FLYWCH1: variants seen among roughly 807,000 people sequenced by gnomAD.
FLYWCH1 encodes the protein FLYWCH-type zinc finger 1.
FLYWCH1 carries 75 observed loss-of-function variants against 66.4 expected under a neutral mutation model. That is an observed-to-expected ratio of 1.13 (90% CI 0.94 to 1.37). FLYWCH1 has a LOEUF of 1.37. Among genes scored for constraint, FLYWCH1 ranks in the 40% most tolerant of loss-of-function variants. FLYWCH1 has a pLI of 0.00. For missense variants in FLYWCH1, 1,334 were observed against 1,001.8 expected (o/e 1.33, Z -4.48); for synonymous variants, 595 against 429.9 (o/e 1.38, Z -4.75).
intron 8 of FLYWCH1, 106 bp downstream of exon 8, chr16:2,938,562 G>A: frequency 9.6e-7 from 1 of 1,039,046 alleles, no homozygotes. Context: ...CTGCTTTTGT[G>A]CACACACAAA....
At chr16:2,913,536 G>A (rs184213423) in intron 1 of FLYWCH1, among the ~76,000 whole-genome samples, 94 of 152,292 alleles carry the variant, frequency 6.2e-4, no homozygotes, top group Admixed American at 1.2e-3. Context: ...ACGTGTGGTA[G>A]GGCATGACAG....
chr16:2,916,450 A>G (rs914999004), intron 2 of FLYWCH1, among the ~76,000 whole-genome samples: 1 of 152,114 alleles, frequency 6.6e-6, no homozygotes, highest in African/African-American at 2.4e-5. Flanking sequence ...CCTGGCTAAC[A>G]TGGTGAAACC....
At chr16:2,916,200 C>T (rs2070161430) in intron 2 of FLYWCH1, among the ~76,000 whole-genome samples, 1 of 152,162 alleles carries the variant, frequency 6.6e-6, no homozygotes, top group Non-Finnish European at 1.5e-5. Context: ...CAAAAGTTAG[C>T]TGGGCGTGTT....
intron 6 of FLYWCH1, 123 bp downstream of exon 6, chr16:2,934,102 A>G: frequency 8.1e-7 from 1 of 1,228,798 alleles, no homozygotes; most frequent in South Asian, 1.6e-5. Context: ...AACATCCTAG[A>G]AGGAACTATG....
intron 2 of FLYWCH1, among the ~76,000 whole-genome samples, chr16:2,926,898 A>G (rs2070586595): frequency 6.6e-6 from 1 of 152,214 alleles, no homozygotes; most frequent in Admixed American, 6.5e-5. Flanking sequence ...TTACAACCTC[A>G]AATGCAGGTT....
intron 2 of FLYWCH1, among the ~76,000 whole-genome samples, chr16:2,927,047 G>T (rs1181191375): frequency 1.3e-5 from 2 of 152,220 alleles, no homozygotes; most frequent in Admixed American, 6.5e-5. Flanking sequence ...AATACTGGCT[G>T]CCAGCCGAGC....
rs766641926 is a variant in FLYWCH1, at chr16:2,933,357, C to A, written c.1024C>A (p.Arg342=). The part of the protein sequence containing the change: ...QPDMEGLEAR[R]QQEKAVETLQ... Reference sequence around the variant, plus strand: ...CGATATGGAGGGCCTGGAAGCCCGGCGGCAGCAGGAGAAGGCCGTGGAGAC... The same window carrying A: ...CGATATGGAGGGCCTGGAAGCCCGGAGGCAGCAGGAGAAGGCCGTGGAGAC... The change falls in exon 5 of 10, where the codon CGG becomes AGG. Residue 342 remains arginine, a synonymous_variant. Transcript: ENST00000253928. 1.9e-6 allele frequency: 3 copies of A among 1,602,772 alleles called. No individual in the cohort carries two copies. The highest frequency in any genetic ancestry group is 3.4e-5 in the Admixed American group (2 of 58,030).
chr16:2,948,206 G>C (rs2071562782), intron 9 of FLYWCH1, among the ~76,000 whole-genome samples: 1 of 152,094 alleles, frequency 6.6e-6, no homozygotes, highest in East Asian at 1.9e-4. Flanking sequence ...TTCCCCAGGT[G>C]TGTGTCACGA....
In FLYWCH1 at chr16:2,930,954, A is replaced by C. The variant is rs1308443166; in HGVS notation, c.796+74A>C. 2.6e-6 allele frequency: 3 copies of C among 1,147,940 alleles called. No homozygotes were observed. The East Asian group carries it at 7.8e-5, about 30-fold the overall frequency. The allele number at this position is 1,147,940 out of a possible 1,614,324, so 71.1% of individuals were successfully genotyped here. A position where few individuals can be genotyped will look rare whatever the true frequency, so the allele number is the denominator to read the frequency against. On this transcript the variant is annotated intron_variant, in intron 4 of 9. Coordinates refer to ENST00000253928, the MANE Select transcript of FLYWCH1 (RefSeq NM_001308068.2). ...GAGGGCCCTTCCTCAGCCCAAATAG[A>C]AATGTGGGGTCCCACAGGGTCTTTT...
chr16:2,921,476 C>T (rs1179945240), intron 2 of FLYWCH1, among the ~76,000 whole-genome samples: 1 of 151,642 alleles, frequency 6.6e-6, no homozygotes, highest in Non-Finnish European at 1.5e-5. Context: ...GTGGGAGGAT[C>T]GCTTGATCCC....
intron 2 of FLYWCH1, among the ~76,000 whole-genome samples, chr16:2,919,040 ATTC>A (rs35756155): frequency 0.057 from 8,660 of 150,610 alleles, 353 homozygotes; most frequent in Middle Eastern, 0.1. Flanking sequence ...CTCCAAAGCA[ATTC>A]TTCTGCCTCC....
rs567988937 is a variant in FLYWCH1 at position 2,941,555 on chromosome 16, G to A, written c.2111+1463G>A. Among the ~76,000 whole-genome samples, 5 of 151,548 alleles carry A rather than the reference G, an allele frequency of 3.3e-5. No homozygotes were observed. In the South Asian group the frequency reaches 6.3e-4, roughly 19 times the overall value. ...TGATTGTACCACTGCACTCCAGCCT[G>A]GGAGACAGAGCAAGATCCCATCTCT... is the stretch of plus-strand genomic sequence containing the variant. On this transcript the variant is annotated intron_variant, in intron 9 of 9. Coordinates refer to ENST00000253928, the MANE Select transcript of FLYWCH1 (RefSeq NM_001308068.2).
At chr16:2,931,855 T>C (rs2070771995) in intron 4 of FLYWCH1, among the ~76,000 whole-genome samples, 1 of 152,060 alleles carries the variant, frequency 6.6e-6, no homozygotes, top group Admixed American at 6.6e-5. Context: ...GGCTCACGCC[T>C]GTAATCCCAG....
intron 2 of FLYWCH1, 40 bp from the exon 3 acceptor site, chr16:2,929,573 A>T (rs987868971): frequency 1.5e-6 from 2 of 1,359,170 alleles, no homozygotes; most frequent in Non-Finnish European, 2.0e-6. Context: ...GAGTCCCCCA[A>T]GGGCTTCCAC....
At chr16:2,940,923 G>A (rs1596395403) in intron 9 of FLYWCH1, among the ~76,000 whole-genome samples, 6 of 150,506 alleles carry the variant, frequency 4.0e-5, no homozygotes, top group African/African-American at 1.5e-4. Context: ...TTGAGGTCAG[G>A]AGTTCGAGAC....
intron 9 of FLYWCH1, among the ~76,000 whole-genome samples, chr16:2,943,171 C>T (rs1280204207): frequency 6.6e-6 from 1 of 152,118 alleles, no homozygotes; most frequent in Non-Finnish European, 1.5e-5. Context: ...GCACAACGTA[C>T]CTACATGAGC....
intron 7 of FLYWCH1, 57 bp downstream of exon 7, chr16:2,937,441 C>G: frequency 1.4e-6 from 2 of 1,463,428 alleles, no homozygotes; most frequent in South Asian, 1.4e-5. Context: ...CTGTGCCCCA[C>G]ACGCTGGCTG....
chr16:2,938,144 G>A, intron 7 of FLYWCH1, 40 bp from the exon 8 acceptor site: 1 of 1,593,276 alleles, frequency 6.3e-7, no homozygotes, highest in Non-Finnish European at 8.5e-7. Flanking sequence ...TGCCACCCAG[G>A]CCCCTGTGGC....
At chr16:2,919,154 T>G (rs1007761677) in intron 2 of FLYWCH1, among the ~76,000 whole-genome samples, 5 of 150,854 alleles carry the variant, frequency 3.3e-5, no homozygotes, top group African/African-American at 9.8e-5. Context: ...CTCCTGACGT[T>G]GTGATCCACC....
Sources: gnomAD v4.1 joint callset for allele counts (sites outside exome capture counted in the v4.1 genomes callset) on GRCh38, gnomAD v4.1.1 for gene constraint, MANE v1.5 for transcripts, NCBI Gene and HGNC (gene_info 2026-07-23, HGNC 2026-07-21) for gene names.